The following STPG2 variants were observed in gnomAD, a reference collection of about 807,000 sequenced individuals.
The protein encoded by STPG2 is sperm tail PG-rich repeat containing 2, also known as sperm-tail PG-rich repeat-containing protein 2.
A neutral mutation model predicts 54.2 loss-of-function variants in STPG2; 56 were observed. That is an observed-to-expected ratio of 1.03 (90% CI 0.83 to 1.29). The LOEUF (loss-of-function observed/expected upper bound fraction) is 1.29. STPG2 is among the 50% of genes most tolerant of loss of function. The pLI, the probability that STPG2 is intolerant of heterozygous loss-of-function variation, is 0.00. For missense variants in STPG2, 596 were observed against 544.9 expected (o/e 1.09, Z -0.93); for synonymous variants, 200 against 181.8 (o/e 1.10, Z -0.81).
chr4:98,026,486 C>T (rs1046300539), intron 5 of STPG2, among the ~76,000 whole-genome samples: 1 of 152,106 alleles, frequency 6.6e-6, no homozygotes, highest in African/African-American at 2.4e-5. Context: ...CATTGTATGT[C>T]ATGGTAAAGG....
intron 8 of STPG2, among the ~76,000 whole-genome samples, chr4:97,915,361 G>C (rs1246647769): frequency 6.6e-6 from 1 of 152,158 alleles, no homozygotes; most frequent in Non-Finnish European, 1.5e-5. Flanking sequence ...CTGTGAGGTA[G>C]ATACTGTAAC....
At chr4:97,786,197 TA>T (rs71588916) in intron 9 of STPG2, among the ~76,000 whole-genome samples, 62,513 of 147,744 alleles carry the variant, frequency 0.42, 13,256 homozygotes, top group African/African-American at 0.52. Flanking sequence ...GTTTGCCAAT[TA>T]AAAAAAAAAA....
At chr4:97,655,353 A>G (rs978328313) in intron 10 of STPG2, among the ~76,000 whole-genome samples, 5 of 152,086 alleles carry the variant, frequency 3.3e-5, no homozygotes, top group Non-Finnish European at 5.9e-5. Flanking sequence ...AAGGGACTAA[A>G]GTAGTTTTAC....
intron 4 of STPG2, among the ~76,000 whole-genome samples, chr4:97,542,473 G>C (rs1308917174): frequency 6.6e-6 from 1 of 152,180 alleles, no homozygotes; most frequent in Admixed American, 6.6e-5. Flanking sequence ...GGAAACAACA[G>C]GTGCTGGAGA....
chr4:98,032,509 C>T (rs916321192), intron 5 of STPG2, among the ~76,000 whole-genome samples: 6 of 152,090 alleles, frequency 3.9e-5, no homozygotes, highest in Admixed American at 6.5e-5. Context: ...CTTTAACACC[C>T]GACTGTCAAC....
At chr4:97,960,653 C>T (rs1449808260) in intron 7 of STPG2, among the ~76,000 whole-genome samples, 2 of 151,910 alleles carry the variant, frequency 1.3e-5, no homozygotes, top group South Asian at 4.2e-4. Flanking sequence ...AGGTGAAAGA[C>T]CTCTACAAGG....
chr4:97,989,325 C>A (rs1409599872), intron 5 of STPG2, among the ~76,000 whole-genome samples: 1 of 152,052 alleles, frequency 6.6e-6, no homozygotes, highest in Non-Finnish European at 1.5e-5. Flanking sequence ...TACAGATATG[C>A]CGTATTCTTC....
At position 97,972,490 on chromosome 4, in the gene STPG2, C is replaced by T. The variant is rs57423046; in HGVS notation, c.773-50G>A. The T allele has an allele frequency of 3.6e-3, 4,112 of 1,137,344 alleles. 120 individuals are homozygous for T. The African/African-American group carries it at 0.058, about 16-fold the overall frequency. The allele number at this position is 1,137,344 out of a possible 1,614,324, so 70.5% of individuals were successfully genotyped here. On this transcript the variant is annotated intron_variant, in intron 6 of 10. Coordinates refer to ENST00000295268, the MANE Select transcript of STPG2 (RefSeq NM_174952.3). ...ATAAGAATAAGCATGCTTTTATATG[C>T]ACCTTTTGAACTGAGTAATTTTTAA...
At chr4:97,764,112 G>GCGCACA (rs1725968478) in intron 9 of STPG2, among the ~76,000 whole-genome samples, 1 of 141,076 alleles carries the variant, frequency 7.1e-6, no homozygotes, top group Non-Finnish European at 1.6e-5. Context: ...AACACCACAT[G>GCGCACA]CACACACACA....
At chr4:97,654,226 T>C (rs1722157342) in intron 10 of STPG2, among the ~76,000 whole-genome samples, 1 of 152,026 alleles carries the variant, frequency 6.6e-6, no homozygotes. Context: ...GTAATATATA[T>C]TAAAAATGCA....
At chr4:98,099,930 C>T (rs1285853673) in intron 5 of STPG2, among the ~76,000 whole-genome samples, 1 of 151,966 alleles carries the variant, frequency 6.6e-6, no homozygotes, top group African/African-American at 2.4e-5. Flanking sequence ...AGGATAAATG[C>T]TTAAGGAGAC....
intron 10 of STPG2, among the ~76,000 whole-genome samples, chr4:97,612,925 A>T (rs1394349355): frequency 6.6e-6 from 1 of 152,024 alleles, no homozygotes; most frequent in Non-Finnish European, 1.5e-5. Context: ...TTTTATAATA[A>T]TAATCCATAC....
At chr4:98,005,405 A>C (rs1484724945) in intron 5 of STPG2, among the ~76,000 whole-genome samples, 2 of 152,208 alleles carry the variant, frequency 1.3e-5, no homozygotes, top group Non-Finnish European at 2.9e-5. Flanking sequence ...AACAGCTCTG[A>C]ATAGGACTTC....
chr4:97,722,585 A>T (rs1462992687), intron 9 of STPG2, among the ~76,000 whole-genome samples: 1 of 152,078 alleles, frequency 6.6e-6, no homozygotes, highest in Admixed American at 6.6e-5. Context: ...ATTCATTTTT[A>T]TATTCTGAAT....
At chr4:97,460,978 T>C (rs1024014287) in intron 4 of STPG2, among the ~76,000 whole-genome samples, 3 of 152,254 alleles carry the variant, frequency 2.0e-5, no homozygotes, top group African/African-American at 7.2e-5. Context: ...CATTCCATTT[T>C]ATAAATACAC....
At chr4:98,004,898 A>C (rs982858165) in intron 5 of STPG2, among the ~76,000 whole-genome samples, 4 of 150,902 alleles carry the variant, frequency 2.7e-5, no homozygotes, top group African/African-American at 9.8e-5. Flanking sequence ...CCCTTATCAG[A>C]TGTATGGTTT....
At chr4:97,808,707 A>C (rs1276127848) in intron 9 of STPG2, among the ~76,000 whole-genome samples, 10 of 150,098 alleles carry the variant, frequency 6.7e-5, no homozygotes, top group Non-Finnish European at 1.5e-4. Context: ...CAAAAAAAAA[A>C]CCCACAGAAA....
rs536066146 is a variant in STPG2, at chr4:97,454,240, A to G, written c.462+258459T>C. On this transcript the variant is annotated intron_variant, in intron 4 of 4. Coordinates refer to the STPG2 transcript ENST00000522676. ...TCAACAGAAAAGGGATTCGCCGGGC[A>G]CGGTGGCTAACGCCTGTAATCCCAG... 1.8e-3 allele frequency among the ~76,000 whole-genome samples: 278 copies of G among 152,062 alleles called. 1 individual carries two copies. Among genetic ancestry groups the G allele is most frequent in the African/African-American group, 6.4e-3 (265 of 41,488 alleles).
chr4:98,039,093 A>T (rs1354926217), intron 5 of STPG2, among the ~76,000 whole-genome samples: 1 of 152,042 alleles, frequency 6.6e-6, no homozygotes, highest in Non-Finnish European at 1.5e-5. Flanking sequence ...TTGAAAATGC[A>T]CATACCTTAC....
Sources: allele counts gnomAD v4.1 joint callset (sites outside exome capture counted in the v4.1 genomes callset), GRCh38; gene constraint gnomAD v4.1.1; transcripts MANE v1.5; gene names NCBI Gene and HGNC (gene_info 2026-07-23, HGNC 2026-07-21).